The following KPNA1 variants were observed in gnomAD, a reference collection of about 807,000 sequenced individuals.
KPNA1 encodes karyopherin subunit alpha 1.
A neutral mutation model predicts 70.5 loss-of-function variants in KPNA1; 10 were observed. That is an observed-to-expected ratio of 0.14 (90% CI 0.09 to 0.24). KPNA1 has a LOEUF of 0.24. Among genes scored for constraint, KPNA1 ranks in the 10% least tolerant of loss-of-function variants. The pLI is 1.00. For synonymous variants in KPNA1, 192 were observed against 221.9 expected (o/e 0.87, Z 1.20); for missense variants, 397 against 637.9 (o/e 0.62, Z 4.07).
chr3:122,438,877 A>T (rs2076025916), intron 10 of KPNA1, among the ~76,000 whole-genome samples: 1 of 152,216 alleles, frequency 6.6e-6, no homozygotes, highest in African/African-American at 2.4e-5. Flanking sequence ...GGGAAAATAA[A>T]AATTTCATGA....
intron 9 of KPNA1, 130 bp from the exon 10 acceptor site, chr3:122,442,246 T>G (rs937705003): frequency 1.1e-5 from 7 of 663,490 alleles, no homozygotes; most frequent in Non-Finnish European, 1.9e-5. Context: ...TGGGGCTAAT[T>G]AAGGGAACGC....
At chr3:122,460,910 C>G in intron 5 of KPNA1, among the ~76,000 whole-genome samples, 1 of 152,090 alleles carries the variant, frequency 6.6e-6, no homozygotes, top group African/African-American at 2.4e-5. Flanking sequence ...CCCTCAACAC[C>G]AAATTTTATG....
rs200689863 is a variant in KPNA1 at position 122,431,803 on chromosome 3, TTC to T, written c.1250+1856_1250+1857del. Among the ~76,000 whole-genome samples, 444 of 141,118 alleles carry T rather than the reference TTC, an allele frequency of 3.1e-3. 1 individual carries two copies. Among genetic ancestry groups the T allele is most frequent in the African/African-American group, 0.012 (413 of 35,506 alleles). The allele number at this position is 141,118 out of a possible 152,430, so 92.6% of individuals were successfully genotyped here. ...TATGTTTATGGTTTATTTCTTCTTC[TTC>T]TTTTTTTTTTTTTGTTGAAATGGAG... On this transcript the variant is annotated intron_variant, in intron 12 of 13. Transcript: ENST00000344337.
chr3:122,488,024 T>G (rs1021282981), intron 2 of KPNA1, among the ~76,000 whole-genome samples: 2 of 152,182 alleles, frequency 1.3e-5, no homozygotes, highest in Non-Finnish European at 2.9e-5. Context: ...AAAATCTGAA[T>G]GTTGACTAGA....
At chr3:122,467,099 A>T (rs1299458678) in intron 3 of KPNA1, among the ~76,000 whole-genome samples, 1 of 144,110 alleles carries the variant, frequency 6.9e-6, no homozygotes, top group Non-Finnish European at 1.6e-5. Flanking sequence ...TTTATCTTAT[A>T]ATTAGCTTGT....
intron 1 of KPNA1, among the ~76,000 whole-genome samples, chr3:122,508,508 C>T (rs942728607): frequency 6.6e-6 from 1 of 152,136 alleles, no homozygotes; most frequent in Non-Finnish European, 1.5e-5. Context: ...ATGGGTGCTC[C>T]AATGCAGGTG....
At chr3:122,442,187 T>C (rs2107727722) in intron 9 of KPNA1, 71 bp from the exon 10 acceptor site, 2 of 1,206,326 alleles carry the variant, frequency 1.7e-6, no homozygotes, top group East Asian at 4.7e-5. Flanking sequence ...AAGACCAAAA[T>C]TAAAAAACAA....
rs147945787 is a variant in KPNA1 at position 122,431,962 on chromosome 3, C to G, written c.1250+1699G>C. Reference sequence around the variant, plus strand: ...GGGATTACGGGTGCACGCCACCACACCTGGCTAATTTTTGTACTTTTAGTA... The same window carrying G: ...GGGATTACGGGTGCACGCCACCACAGCTGGCTAATTTTTGTACTTTTAGTA... On this transcript the variant is annotated intron_variant, in intron 12 of 13. Coordinates refer to ENST00000344337, the MANE Select transcript of KPNA1 (RefSeq NM_002264.4). 3.2e-4 allele frequency among the ~76,000 whole-genome samples: 49 copies of G among 152,192 alleles called. 2 individuals carry two copies. In the East Asian group the frequency reaches 8.5e-3, roughly 26 times the overall value.
Position 122,449,653 on chromosome 3 carries a change from A to G in KPNA1, c.838T>C (p.Tyr280His). 6.2e-7 allele frequency: 1 copy of G among 1,613,798 alleles called. No individual in the cohort carries two copies. The highest frequency in any genetic ancestry group is 8.5e-7 in the Non-Finnish European group (1 of 1,179,760). Residue 280 changes from tyrosine to histidine, a missense_variant, in exon 9 of 14, where the codon TAT becomes CAT. Coordinates refer to ENST00000344337, the MANE Select transcript of KPNA1 (RefSeq NM_002264.4). The stretch of plus-strand genomic sequence containing the variant: ...TTATCATTGGGTCCATCTGATAGAT[A>G]TGAGAGGGCCCAGCAGGCATCAGCC... ...VLADACWALS[Y>H]LSDGPNDKIQ... is the part of the protein sequence containing the mutation.
chr3:122,423,518 A>G lies in KPNA1; in HGVS notation c.*3467T>C, dbSNP rs983921815. The stretch of plus-strand genomic sequence containing the variant: ...AACCATCAACCCCTAAAAAGTTATA[A>G]TGATTTGCCTATTGATATAAAAATT... On this transcript the variant is annotated 3_prime_UTR_variant, in exon 14 of 14. Coordinates refer to ENST00000344337, the MANE Select transcript of KPNA1 (RefSeq NM_002264.4). 2 of 152,598 alleles carry G rather than the reference A, an allele frequency of 1.3e-5. No individual in the cohort carries two copies. The highest frequency in any genetic ancestry group is 4.1e-4 in the South Asian group (2 of 4,834). 9.5% of individuals were successfully genotyped at this position (152,598 alleles called of 1,614,324 possible).
chr3:122,512,233 A>G (rs1261178614), intron 1 of KPNA1, among the ~76,000 whole-genome samples: 2 of 152,046 alleles, frequency 1.3e-5, no homozygotes, highest in African/African-American at 2.4e-5. Context: ...AAAGCTTAAT[A>G]CTGGGGTCTT....
At chr3:122,459,708 T>C in intron 5 of KPNA1, 1 of 985,462 alleles carries the variant, frequency 1.0e-6, no homozygotes. Flanking sequence ...TTAATTCAAA[T>C]GAGCATGGGA....
At chr3:122,489,430 C>T (rs1326967860) in intron 2 of KPNA1, among the ~76,000 whole-genome samples, 6 of 151,352 alleles carry the variant, frequency 4.0e-5, no homozygotes, top group East Asian at 1.9e-4. Flanking sequence ...AGGACTATAG[C>T]GTGCGCCACT....
intron 2 of KPNA1, among the ~76,000 whole-genome samples, chr3:122,469,548 G>A (rs938756942): frequency 4.6e-5 from 7 of 152,132 alleles, no homozygotes; most frequent in African/African-American, 1.7e-4. Flanking sequence ...TAATTTCTAG[G>A]CCTTCTCCCT....
chr3:122,487,916 TAA>T (rs928346105), intron 2 of KPNA1, among the ~76,000 whole-genome samples: 2 of 152,152 alleles, frequency 1.3e-5, no homozygotes, highest in Non-Finnish European at 2.9e-5. Flanking sequence ...CAATTATTAA[TAA>T]AAATTTTTTA....
intron 11 of KPNA1, among the ~76,000 whole-genome samples, chr3:122,435,189 CACAA>C (rs1228034634): frequency 2.0e-5 from 3 of 152,138 alleles, no homozygotes; most frequent in African/African-American, 7.2e-5. Flanking sequence ...AATACACACA[CACAA>C]ACACACACAC....
intron 12 of KPNA1, among the ~76,000 whole-genome samples, chr3:122,431,460 A>G (rs2075906777): frequency 6.6e-6 from 1 of 152,168 alleles, no homozygotes; most frequent in Admixed American, 6.5e-5. Flanking sequence ...CCCGGCCAAG[A>G]TATTTCCTAA....
At chr3:122,511,647 A>G (rs1300762652) in intron 1 of KPNA1, among the ~76,000 whole-genome samples, 2 of 152,378 alleles carry the variant, frequency 1.3e-5, no homozygotes, top group Middle Eastern at 3.4e-3. Flanking sequence ...CAAAAGACAG[A>G]AATCAGCCCA....
At chr3:122,455,997 T>TAATG (rs1249627513) in intron 5 of KPNA1, among the ~76,000 whole-genome samples, 1 of 152,076 alleles carries the variant, frequency 6.6e-6, no homozygotes, top group African/African-American at 2.4e-5. Flanking sequence ...ATGACTCGAG[T>TAATG]AATGTTACAC....
Sources: allele counts gnomAD v4.1 joint callset (sites outside exome capture counted in the v4.1 genomes callset), GRCh38; gene constraint gnomAD v4.1.1; transcripts MANE v1.5; gene names NCBI Gene and HGNC (gene_info 2026-07-23, HGNC 2026-07-21).